Variants in SEZ6L observed in about 807,000 individuals in gnomAD.
The protein encoded by SEZ6L is seizure related 6 homolog like.
SEZ6L carries 37 observed loss-of-function variants against 106.2 expected under a neutral mutation model. That is an observed-to-expected ratio of 0.35 (90% CI 0.27 to 0.46). The LOEUF is 0.46. SEZ6L is among the 20% of genes least tolerant of loss of function. The probability of loss-of-function intolerance (pLI) is 1.00; values close to 1 mark genes in which losing one functional copy is unlikely to be tolerated. For synonymous variants in SEZ6L, 541 were observed against 570.4 expected (o/e 0.95, Z 0.73); for missense variants, 1,172 against 1,332.8 (o/e 0.88, Z 1.88).
At chr22:26,196,139 C>G (rs1940565930) in intron 1 of SEZ6L, among the ~76,000 whole-genome samples, 2 of 152,106 alleles carry the variant, frequency 1.3e-5, no homozygotes, top group African/African-American at 4.8e-5. Flanking sequence ...TGGTACTGTT[C>G]TCATGATAGT....
chr22:26,207,771 A>C (rs1941350623), intron 1 of SEZ6L, among the ~76,000 whole-genome samples: 1 of 152,096 alleles, frequency 6.6e-6, no homozygotes, highest in African/African-American at 2.4e-5. Context: ...CTTTACATGA[A>C]ATTTAGAAAC....
intron 9 of SEZ6L, among the ~76,000 whole-genome samples, chr22:26,325,052 A>C (rs563861615): frequency 2.0e-5 from 3 of 152,212 alleles, no homozygotes; most frequent in Admixed American, 6.5e-5. Flanking sequence ...TGACATAGAC[A>C]CGCATCTCTG....
chr22:26,221,342 T>C (rs530953134), intron 1 of SEZ6L, among the ~76,000 whole-genome samples: 11 of 152,210 alleles, frequency 7.2e-5, no homozygotes, highest in African/African-American at 2.6e-4. Flanking sequence ...CCTCCCCTAA[T>C]TGAAACCAAC....
intron 5 of SEZ6L, among the ~76,000 whole-genome samples, chr22:26,300,596 A>T (rs1481867884): frequency 1.3e-5 from 2 of 152,222 alleles, no homozygotes; most frequent in Non-Finnish European, 2.9e-5. Flanking sequence ...GCTATTGTGA[A>T]TAGTGCTGCA....
intron 9 of SEZ6L, among the ~76,000 whole-genome samples, chr22:26,320,261 G>A (rs7292528): frequency 0.098 from 14,942 of 152,044 alleles, 888 homozygotes; most frequent in African/African-American, 0.14. Flanking sequence ...GTGCCGTGGG[G>A]CTTGGGGAGC....
chr22:26,304,351 CA>C (rs1235240481), intron 5 of SEZ6L, among the ~76,000 whole-genome samples: 1,230 of 36,522 alleles, frequency 0.034, 19 homozygotes, highest in African/African-American at 0.12. Context: ...GAGTTTGTCT[CA>C]AAAAAAAAAA....
intron 6 of SEZ6L, among the ~76,000 whole-genome samples, chr22:26,308,069 C>G (rs2081691580): frequency 6.6e-6 from 1 of 152,152 alleles, no homozygotes; most frequent in Non-Finnish European, 1.5e-5. Context: ...GAAGACACTA[C>G]TCTCTGGGCC....
At chr22:26,302,007 G>T (rs1050729091) in intron 5 of SEZ6L, among the ~76,000 whole-genome samples, 2 of 152,110 alleles carry the variant, frequency 1.3e-5, no homozygotes, top group African/African-American at 4.8e-5. Flanking sequence ...AATGATTGAG[G>T]ATGGTCAGAG....
At position 26,303,970 on chromosome 22, in the gene SEZ6L, G is replaced by A. The variant is rs117046296; in HGVS notation, c.1349-2009G>A. ...TCATGGTGTAGGGCTTTACTCAATC[G>A]TGGCCCTGGGCTATTCTTCACATCC... On this transcript the variant is annotated intron_variant, in intron 5 of 16. Coordinates refer to ENST00000248933, the MANE Select transcript of SEZ6L (RefSeq NM_021115.5). Among the ~76,000 whole-genome samples, 380 of 152,172 alleles carry A rather than the reference G, an allele frequency of 2.5e-3. 8 individuals are homozygous for A. In the East Asian group the frequency reaches 0.059, roughly 24 times the overall value.
chr22:26,173,175 T>TAA (rs1280502180), intron 1 of SEZ6L, among the ~76,000 whole-genome samples: 1 of 152,222 alleles, frequency 6.6e-6, no homozygotes, highest in Non-Finnish European at 1.5e-5. Flanking sequence ...ATAATGCATG[T>TAA]AAAAGCAGCT....
At chr22:26,192,336 C>T (rs944839938) in intron 1 of SEZ6L, among the ~76,000 whole-genome samples, 5 of 152,062 alleles carry the variant, frequency 3.3e-5, no homozygotes, top group Admixed American at 6.5e-5. Flanking sequence ...CTCACACTCA[C>T]GTCATAGCAT....
At chr22:26,359,426 C>G (rs1054431747) in intron 12 of SEZ6L, among the ~76,000 whole-genome samples, 2 of 152,152 alleles carry the variant, frequency 1.3e-5, no homozygotes, top group African/African-American at 4.8e-5. Flanking sequence ...GGATTTGAAT[C>G]TTATTTATAC....
chr22:26,276,747 C>T (rs762781082), intron 1 of SEZ6L, among the ~76,000 whole-genome samples: 1 of 152,086 alleles, frequency 6.6e-6, no homozygotes, highest in Admixed American at 6.5e-5. Flanking sequence ...CAAAGCCGTA[C>T]CATGAGATGC....
At chr22:26,363,357 G>A (rs1601618748) in intron 12 of SEZ6L, among the ~76,000 whole-genome samples, 1 of 152,162 alleles carries the variant, frequency 6.6e-6, no homozygotes, top group Non-Finnish European at 1.5e-5. Flanking sequence ...TAGGACCAGG[G>A]ATTATATCTG....
chr22:26,289,562 C>T (rs2081042691), intron 1 of SEZ6L, among the ~76,000 whole-genome samples: 2 of 152,172 alleles, frequency 1.3e-5, no homozygotes, highest in Admixed American at 1.3e-4. Context: ...GCCTGAATGA[C>T]CTTGACCTGC....
intron 15 of SEZ6L, among the ~76,000 whole-genome samples, chr22:26,377,326 T>C (rs756848398): frequency 2.0e-5 from 3 of 152,124 alleles, no homozygotes; most frequent in Non-Finnish European, 2.9e-5. Flanking sequence ...CAATATGGCA[T>C]ACAGTAGGTG....
intron 1 of SEZ6L, among the ~76,000 whole-genome samples, chr22:26,226,164 TCCATCCTTCACATTGCTTG>T (rs1254287262): frequency 1.3e-5 from 2 of 152,210 alleles, no homozygotes; most frequent in African/African-American, 4.8e-5. Flanking sequence ...TTGCTTTCCA[TCCATCCTTCACATTGCTTG>T]CCATAGAGAT....
chr22:26,299,904 G>A (rs1048728252), intron 5 of SEZ6L, among the ~76,000 whole-genome samples: 1 of 152,158 alleles, frequency 6.6e-6, no homozygotes, highest in Non-Finnish European at 1.5e-5. Context: ...ACCATCAAAC[G>A]ATTTTCCACA....
At chr22:26,304,171 G>C (rs1037000446) in intron 5 of SEZ6L, among the ~76,000 whole-genome samples, 8 of 151,994 alleles carry the variant, frequency 5.3e-5, no homozygotes, top group Non-Finnish European at 1.2e-4. Flanking sequence ...GGCCAAGATG[G>C]TGAAACCCCA....
Sources: gnomAD v4.1 joint callset for allele counts (sites outside exome capture counted in the v4.1 genomes callset) on GRCh38, gnomAD v4.1.1 for gene constraint, MANE v1.5 for transcripts, NCBI Gene and HGNC (gene_info 2026-07-23, HGNC 2026-07-21) for gene names.